TNR: variants seen among roughly 807,000 people sequenced by gnomAD.
TNR encodes the protein tenascin-R.
TNR carries 45 observed loss-of-function variants against 150.4 expected under a neutral mutation model. The ratio of observed to expected loss-of-function variants is 0.30; its 90% CI spans 0.24 to 0.38. TNR has a LOEUF of 0.38. TNR is among the 10% of genes least tolerant of loss of function. The pLI is 1.00. For missense variants in TNR, 1,544 were observed against 1,759.1 expected (o/e 0.88, Z 2.19); for synonymous variants, 687 against 678.4 (o/e 1.01, Z -0.20).
intron 1 of TNR, among the ~76,000 whole-genome samples, chr1:175,557,623 C>T (rs1412678509): frequency 4.6e-5 from 7 of 151,552 alleles, no homozygotes; most frequent in Non-Finnish European, 1.0e-4. Flanking sequence ...CAGGAAACAA[C>T]AGGTGCTGGA....
At chr1:175,437,746 A>G (rs1263004279) in intron 2 of TNR, among the ~76,000 whole-genome samples, 4 of 152,254 alleles carry the variant, frequency 2.6e-5, no homozygotes, top group Admixed American at 2.0e-4. Flanking sequence ...AATACTATAA[A>G]CACCTCTACA....
intron 1 of TNR, among the ~76,000 whole-genome samples, chr1:175,537,892 G>A (rs1046066744): frequency 2.6e-5 from 4 of 152,178 alleles, no homozygotes; most frequent in Non-Finnish European, 1.5e-5. Flanking sequence ...GGTGGTGGGG[G>A]GCGGTTCCAG....
rs1317696693 is a variant in TNR at position 175,695,085 on chromosome 1, C to T, written c.-165+48141G>A. ...CTTCTCCCCTTGGGTGTGGGCTACA[C>T]TTACTGGCTCCCCTCTAAGAAGTAG... On this transcript the variant is annotated intron_variant, in intron 1 of 22. Coordinates refer to ENST00000367674, the MANE Select transcript of TNR (RefSeq NM_003285.3). Among the ~76,000 whole-genome samples, 4 of 152,324 alleles carry T rather than the reference C, an allele frequency of 2.6e-5. No homozygotes were observed. In the East Asian group the frequency reaches 7.7e-4, roughly 29 times the overall value.
chr1:175,698,348 C>G (rs147369728), intron 1 of TNR, among the ~76,000 whole-genome samples: 1 of 152,204 alleles, frequency 6.6e-6, no homozygotes, highest in South Asian at 2.1e-4. Context: ...AAGGTGACAC[C>G]GAAGAGCAGA....
Position 175,403,370 on chromosome 1 carries a change from TC to T in TNR, c.745del (p.Glu249SerfsTer16). 1 of 1,613,838 alleles carries T rather than the reference TC, an allele frequency of 6.2e-7. No individual in the cohort carries two copies. The highest frequency in any genetic ancestry group is 8.5e-7 in the Non-Finnish European group (1 of 1,179,964). On this transcript the variant is annotated frameshift_variant, in exon 4 of 23. Coordinates refer to ENST00000367674, the MANE Select transcript of TNR (RefSeq NM_003285.3). LOFTEE classifies it high-confidence loss of function. ...CSSRGLCVDGECVCEEPYTGE... is the reference protein window; with the variant it reads ...CSSRGLCVDGXCVCEEPYTGE... ...AGTGTAGGGCTCTTCACAGACACAC[TC>T]CCCGTCCACGCAGAGCCCCCGGGAG...
chr1:175,709,803 A>T (rs74129320), intron 1 of TNR, among the ~76,000 whole-genome samples: 1 of 151,702 alleles, frequency 6.6e-6, no homozygotes, highest in African/African-American at 2.4e-5. Context: ...TGCTTCATTC[A>T]ACAACATCCC....
chr1:175,368,361 C>A (rs142201760), intron 9 of TNR, among the ~76,000 whole-genome samples: 1,756 of 152,318 alleles, frequency 0.012, 33 homozygotes, highest in African/African-American at 0.041. Context: ...AAGCCAGAAG[C>A]TTGAAACGAT....
chr1:175,567,259 T>A (rs1222924074), intron 1 of TNR, among the ~76,000 whole-genome samples: 1 of 152,128 alleles, frequency 6.6e-6, no homozygotes, highest in Non-Finnish European at 1.5e-5. Context: ...ATGTATGCAT[T>A]GGAAAAGGAA....
chr1:175,681,279 A>G (rs866138026), intron 1 of TNR, among the ~76,000 whole-genome samples: 127 of 152,334 alleles, frequency 8.3e-4, no homozygotes, highest in African/African-American at 2.8e-3. Flanking sequence ...GCCCGAGCCC[A>G]GAAAGAGAAG....
chr1:175,392,907 G>A (rs146679115), intron 6 of TNR, among the ~76,000 whole-genome samples: 22 of 152,328 alleles, frequency 1.4e-4, no homozygotes, highest in African/African-American at 5.3e-4. Flanking sequence ...ACAGTTCACA[G>A]CTCTAAGAAT....
intron 1 of TNR, among the ~76,000 whole-genome samples, chr1:175,634,989 T>C (rs1664451457): frequency 6.6e-6 from 1 of 152,202 alleles, no homozygotes. Context: ...CACGGGTCCC[T>C]ACCTAGCCCC....
intron 4 of TNR, among the ~76,000 whole-genome samples, chr1:175,401,868 GTGGGCTCTC>G (rs1202341562): frequency 1.3e-5 from 2 of 152,182 alleles, no homozygotes; most frequent in Non-Finnish European, 2.9e-5. Context: ...AATAATCCCA[GTGGGCTCTC>G]TGAGCCCTGA....
chr1:175,713,036 A>G (rs1234237069), intron 1 of TNR, among the ~76,000 whole-genome samples: 1 of 152,124 alleles, frequency 6.6e-6, no homozygotes, highest in Non-Finnish European at 1.5e-5. Flanking sequence ...AAGAGTCAGG[A>G]CCTGAGTCCA....
chr1:175,366,239 ACTATGAGCAC>A, intron 10 of TNR, 101 bp from the exon 11 acceptor site: 6 of 1,240,588 alleles, frequency 4.8e-6, no homozygotes, highest in Non-Finnish European at 5.5e-6. Context: ...AGGCCTGCTG[ACTATGAGCAC>A]TAGCTTGTCA....
chr1:175,501,336 G>A (rs1417777928), intron 2 of TNR, among the ~76,000 whole-genome samples: 2 of 152,202 alleles, frequency 1.3e-5, no homozygotes, highest in Non-Finnish European at 2.9e-5. Context: ...ACCTAGGGGT[G>A]AGCTGCAGAA....
chr1:175,686,559 A>G (rs775597002), intron 1 of TNR, among the ~76,000 whole-genome samples: 3 of 152,218 alleles, frequency 2.0e-5, no homozygotes, highest in Non-Finnish European at 2.9e-5. Flanking sequence ...AATGCTTGGT[A>G]CATTTCATAA....
chr1:175,624,466 A>T (rs1357521097), intron 1 of TNR, among the ~76,000 whole-genome samples: 1 of 152,222 alleles, frequency 6.6e-6, no homozygotes, highest in African/African-American at 2.4e-5. Flanking sequence ...GATGAGACAG[A>T]TACAGAGACA....
intron 1 of TNR, among the ~76,000 whole-genome samples, chr1:175,624,272 T>C (rs1318893043): frequency 2.0e-5 from 3 of 152,154 alleles, no homozygotes; most frequent in African/African-American, 7.2e-5. Context: ...AAATAGATGA[T>C]AGAGAGTGTG....
At chr1:175,587,456 T>A (rs1662618687) in intron 1 of TNR, among the ~76,000 whole-genome samples, 1 of 152,198 alleles carries the variant, frequency 6.6e-6, no homozygotes, top group African/African-American at 2.4e-5. Context: ...CATTTGAGGG[T>A]TAAATGAAAT....
Sources: allele counts gnomAD v4.1 joint callset (sites outside exome capture counted in the v4.1 genomes callset), GRCh38; gene constraint gnomAD v4.1.1; transcripts MANE v1.5; gene names NCBI Gene and HGNC (gene_info 2026-07-23, HGNC 2026-07-21).